Variants in ZFR2 observed in about 807,000 individuals in gnomAD.
The protein encoded by ZFR2 is zinc finger RNA binding protein 2.
In ZFR2, 104 loss-of-function variants were observed where a neutral mutation model predicts 105.7. The observed-to-expected ratio is 0.98, with a 90% CI of 0.84 to 1.16. The LOEUF is 1.16. Among genes scored for constraint, ZFR2 ranks in the 50% most tolerant of loss-of-function variants. The pLI, the probability that ZFR2 is intolerant of heterozygous loss-of-function variation, is 0.00. For missense variants in ZFR2, 1,425 were observed against 1,355.5 expected, an observed-to-expected ratio of 1.05 and a Z score of -0.80; for synonymous variants, 634 against 597.7, an observed-to-expected ratio of 1.06 and a Z score of -0.89.
chr19:3,857,715 A>G (rs1005597522), intron 1 of ZFR2, among the ~76,000 whole-genome samples: 1 of 144,070 alleles, frequency 6.9e-6, no homozygotes, highest in African/African-American at 2.5e-5. Context: ...AAAAAAAAAA[A>G]GTCATGAATT....
rs551337050 is a variant in ZFR2, at chr19:3,824,479, A to G, written c.1213+751T>C. On this transcript the variant is annotated intron_variant, in intron 7 of 18. Transcript: ENST00000262961. ...ACAGGCAGAGGGGTGTGAGGATTCC[A>G]CCTTCATTTCCTGGTACCCATATAA... Among the ~76,000 whole-genome samples the G allele has an allele frequency of 5.3e-5, 8 of 152,250 alleles. No homozygotes were observed. In the East Asian group the frequency reaches 1.5e-3, roughly 29 times the overall value.
chr19:3,819,679 C>G (rs192119922), intron 11 of ZFR2, among the ~76,000 whole-genome samples: 1 of 152,100 alleles, frequency 6.6e-6, no homozygotes, highest in Non-Finnish European at 1.5e-5. Context: ...CATGGTGAAA[C>G]CCTGCCTCTA....
Position 3,834,665 on chromosome 19 carries a change from C to G in ZFR2, c.264+108G>C, listed in dbSNP as rs769576096. 8.3e-7 allele frequency: 1 copy of G among 1,202,890 alleles called. No homozygotes were observed. The highest frequency in any genetic ancestry group is 1.5e-5 in the African/African-American group (1 of 66,584). The allele number at this position is 1,202,890 out of a possible 1,614,324, so 74.5% of individuals were successfully genotyped here. A position where few individuals can be genotyped will look rare whatever the true frequency, so the allele number is the denominator to read the frequency against. ...CAGAAGGGTCCCGAAGGAAGGATCA[C>G]GGTTAAGAGGCCTGGGAGAAGGAGT... On this transcript the variant is annotated intron_variant, in intron 2 of 18. Coordinates refer to ENST00000262961, the MANE Select transcript of ZFR2 (RefSeq NM_015174.2). This position sits in a 1 kb window ranked among gnomAD's most constrained non-coding sequence, Gnocchi z 5.3.
In ZFR2 at chr19:3,825,339, GCT is replaced by G; in HGVS notation, c.1102_1103del (p.Ser368ProfsTer40). On this transcript the variant is annotated frameshift_variant, in exon 7 of 19. Transcript: ENST00000262961. LOFTEE classifies it high-confidence loss of function. ...PTLEPALATE[S>X]PPGAEAKPTS... ...TGGGCTTGGCCTCTGCCCCGGGGGGGCTCTCTGTGGCCAGTGCAGGCTCGAGG... is the reference window on the plus strand; with the variant it reads ...TGGGCTTGGCCTCTGCCCCGGGGGGGCTCTGTGGCCAGTGCAGGCTCGAGG... The G allele has an allele frequency of 3.1e-6, 5 of 1,588,936 alleles. No homozygotes were observed. Among genetic ancestry groups the G allele is most frequent in the Non-Finnish European group, 4.3e-6 (5 of 1,170,888 alleles).
chr19:3,859,879 T>C (rs747571522), intron 1 of ZFR2, among the ~76,000 whole-genome samples: 3 of 152,220 alleles, frequency 2.0e-5, no homozygotes, highest in Non-Finnish European at 4.4e-5. Flanking sequence ...CCTGATTTTG[T>C]AACCAGTTTT....
chr19:3,832,602 G>C (rs958699681), intron 3 of ZFR2, among the ~76,000 whole-genome samples: 14 of 151,586 alleles, frequency 9.2e-5, no homozygotes, highest in Non-Finnish European at 1.6e-4. Flanking sequence ...TTACAGGCGT[G>C]AGCTGCTGCA....
chr19:3,834,675 G>T lies in ZFR2; in HGVS notation c.264+98C>A. Reference sequence around the variant, plus strand: ...CCGAAGGAAGGATCACGGTTAAGAGGCCTGGGAGAAGGAGTAGCTGTGGGA... The same window carrying T: ...CCGAAGGAAGGATCACGGTTAAGAGTCCTGGGAGAAGGAGTAGCTGTGGGA... On this transcript the variant is annotated intron_variant, in intron 2 of 18. Coordinates refer to ENST00000262961, the MANE Select transcript of ZFR2 (RefSeq NM_015174.2). This position sits in a 1 kb window ranked among gnomAD's most constrained non-coding sequence, Gnocchi z 5.3. 7.9e-7 allele frequency: 1 copy of T among 1,269,650 alleles called. No homozygotes were observed. The highest frequency in any genetic ancestry group is 1.1e-6 in the Non-Finnish European group (1 of 899,400). The allele number at this position is 1,269,650 out of a possible 1,614,324, so 78.6% of individuals were successfully genotyped here.
chr19:3,831,899 C>T (rs748128466), intron 3 of ZFR2, 21 bp from the exon 4 acceptor site: 1 of 1,514,288 alleles, frequency 6.6e-7, no homozygotes, highest in Non-Finnish European at 8.8e-7. Context: ...GGGACAGGCC[C>T]TCTGCAGAGC....
intron 18 of ZFR2, 48 bp downstream of exon 18, chr19:3,807,124 C>G: frequency 7.1e-7 from 1 of 1,408,482 alleles, no homozygotes; most frequent in Non-Finnish European, 9.8e-7. Context: ...AGCTGCAAGC[C>G]GGAGCTGGGG....
At chr19:3,832,239 A>T (rs1057215338) in intron 3 of ZFR2, among the ~76,000 whole-genome samples, 13 of 151,960 alleles carry the variant, frequency 8.6e-5, no homozygotes, top group Non-Finnish European at 1.9e-4. Flanking sequence ...TCATAGGCCC[A>T]CACCTGGCAG....
chr19:3,820,081 A>G, intron 11 of ZFR2, 101 bp downstream of exon 11: 2 of 1,133,644 alleles, frequency 1.8e-6, no homozygotes, highest in South Asian at 2.7e-5. Flanking sequence ...CCTGAGTACT[A>G]TGTGGGAGTT....
intron 12 of ZFR2, among the ~76,000 whole-genome samples, chr19:3,817,560 AAATAATGATAATAATAAT>A (rs2037838323): frequency 3.5e-5 from 4 of 115,750 alleles, no homozygotes; most frequent in African/African-American, 1.4e-4. Flanking sequence ...CTCCATCTCA[AAATAATGATAATAATAAT>A]AATAATAATA....
At position 3,814,052 on chromosome 19, in the gene ZFR2, C is replaced by A. The variant is rs1026637934; in HGVS notation, c.2104-94G>T. 4 of 1,535,830 alleles carry A rather than the reference C, an allele frequency of 2.6e-6. No homozygotes were observed. The African/African-American group carries it at 5.5e-5, about 21-fold the overall frequency. The stretch of plus-strand genomic sequence containing the variant: ...TGTGGTTGGTGTGTGTAAATTAATC[C>A]CGTCGGGCCTCCCACACTTGCTGCC... On this transcript the variant is annotated intron_variant, in intron 13 of 18. Coordinates refer to ENST00000262961, the MANE Select transcript of ZFR2 (RefSeq NM_015174.2).
chr19:3,842,786 A>G (rs1414379062), intron 1 of ZFR2, among the ~76,000 whole-genome samples: 1 of 151,826 alleles, frequency 6.6e-6, no homozygotes, highest in Non-Finnish European at 1.5e-5. Context: ...ACCAAGCCCA[A>G]CTAATTTTTT....
At chr19:3,811,927 A>ATATT (rs61564585) in intron 14 of ZFR2, among the ~76,000 whole-genome samples, 8,819 of 151,392 alleles carry the variant, frequency 0.058, 361 homozygotes, top group Middle Eastern at 0.13. Context: ...CACCCAGCTA[A>ATATT]TATTTATTTA....
rs1281227136 is a variant in ZFR2, at chr19:3,831,700, G to T, written c.558C>A (p.Tyr186Ter). ...AGGTGGGGTTGTAGGAGGGCGGGGG[G>T]TAGGAGGTCACGATGGAAGCTGACG... ...PESSASIVTS[Y>*]PPPSYNPTCT... Residue 186 changes from tyrosine (Y) to a stop codon, truncating the protein, a stop_gained, in exon 4 of 19, where the codon TAC becomes TAA. Coordinates refer to ENST00000262961, the MANE Select transcript of ZFR2 (RefSeq NM_015174.2). LOFTEE classifies it high-confidence loss of function. 3.8e-6 allele frequency: 6 copies of T among 1,583,244 alleles called. No individual in the cohort carries two copies. Among genetic ancestry groups the T allele is most frequent in the East Asian group, 2.3e-5 (1 of 44,162 alleles).
At chr19:3,863,713 C>T (rs1599260128) in intron 1 of ZFR2, among the ~76,000 whole-genome samples, 1 of 152,184 alleles carries the variant, frequency 6.6e-6, no homozygotes, top group Non-Finnish European at 1.5e-5. Flanking sequence ...CTACCACAGG[C>T]GCAACCTCTA....
Position 3,805,766 on chromosome 19 carries a change from G to A in ZFR2, c.*183C>T. The A allele has an allele frequency of 3.0e-6, 2 of 671,152 alleles. No individual in the cohort carries two copies. Among genetic ancestry groups the A allele is most frequent in the Non-Finnish European group, 4.5e-6 (2 of 440,268 alleles). 41.6% of individuals were successfully genotyped at this position (671,152 alleles called of 1,614,324 possible). The stretch of plus-strand genomic sequence containing the variant: ...AGCAACTCAGCCTCCCAAAGTGCTG[G>A]GATTAAAGGCATGAGCCACAGTGCC... On this transcript the variant is annotated 3_prime_UTR_variant, in exon 19 of 19. Transcript: ENST00000262961.
intron 1 of ZFR2, among the ~76,000 whole-genome samples, chr19:3,840,930 G>A (rs151086559): frequency 1.3e-4 from 20 of 152,270 alleles, no homozygotes; most frequent in African/African-American, 4.8e-4. Context: ...GGCTGGTGGT[G>A]ACCGGGGGCC....
Sources: allele counts gnomAD v4.1 joint callset (sites outside exome capture counted in the v4.1 genomes callset), GRCh38; gene constraint gnomAD v4.1.1; non-coding constraint Gnocchi (gnomAD v3.1); transcripts MANE v1.5; gene names NCBI Gene and HGNC (gene_info 2026-07-23, HGNC 2026-07-21).